The following USH2A variants were observed in gnomAD, a reference collection of about 807,000 sequenced individuals.
The protein encoded by USH2A is Usher syndrome 2A (autosomal recessive, mild).
USH2A carries 443 observed loss-of-function variants against 538.9 expected under a neutral mutation model. The ratio of observed to expected loss-of-function variants is 0.82; its 90% CI spans 0.76 to 0.89. The LOEUF is 0.89. USH2A is among the 40% of genes least tolerant of loss of function. USH2A has a pLI of 0.00. For missense variants in USH2A, 6,633 were observed against 6,324.8 expected (o/e 1.05, Z -1.65); for synonymous variants, 2,413 against 2,273.5 (o/e 1.06, Z -1.75).
intron 46 of USH2A, among the ~76,000 whole-genome samples, chr1:215,839,491 T>G: frequency 6.6e-6 from 1 of 152,338 alleles, no homozygotes; most frequent in South Asian, 2.1e-4. Flanking sequence ...CCCTACTGGC[T>G]TCTCATCTAA....
chr1:215,656,864 G>A (rs1393985669), intron 64 of USH2A, among the ~76,000 whole-genome samples: 1 of 152,154 alleles, frequency 6.6e-6, no homozygotes, highest in Admixed American at 6.5e-5. Context: ...ACATAATTTT[G>A]TAACAATTCA....
intron 4 of USH2A, among the ~76,000 whole-genome samples, chr1:216,353,519 T>C (rs2038326233): frequency 6.6e-6 from 1 of 152,014 alleles, no homozygotes; most frequent in Non-Finnish European, 1.5e-5. Context: ...CCACAAAAGC[T>C]GAAAATCCCC....
intron 47 of USH2A, among the ~76,000 whole-genome samples, chr1:215,818,537 A>T (rs547708012): frequency 1.2e-3 from 175 of 151,974 alleles, no homozygotes; most frequent in Non-Finnish European, 1.8e-3. Flanking sequence ...ATTTTAAAAA[A>T]TTGAGTGATA....
At chr1:216,095,242 G>GT (rs1396037150) in intron 22 of USH2A, among the ~76,000 whole-genome samples, 4 of 152,026 alleles carry the variant, frequency 2.6e-5, no homozygotes, top group Non-Finnish European at 5.9e-5. Context: ...CTTAGTGACA[G>GT]TAGTAGTATC....
intron 38 of USH2A, among the ~76,000 whole-genome samples, chr1:215,909,119 C>T (rs1665711136): frequency 2.0e-5 from 3 of 151,342 alleles, no homozygotes; most frequent in Non-Finnish European, 4.4e-5. Flanking sequence ...AACTCAGCAG[C>T]TATTTAAAAG....
At chr1:215,862,099 A>G (rs922700440) in intron 44 of USH2A, among the ~76,000 whole-genome samples, 3 of 152,234 alleles carry the variant, frequency 2.0e-5, no homozygotes, top group Non-Finnish European at 4.4e-5. Flanking sequence ...CGGCCTCCCA[A>G]AGTGCTGGGA....
intron 12 of USH2A, among the ~76,000 whole-genome samples, chr1:216,248,230 T>C (rs2036090585): frequency 6.6e-6 from 1 of 152,038 alleles, no homozygotes; most frequent in Non-Finnish European, 1.5e-5. Context: ...ATTTTACGAA[T>C]GAAGAAAAAT....
chr1:216,216,302 G>T (rs1285006459), intron 15 of USH2A, among the ~76,000 whole-genome samples: 1 of 152,006 alleles, frequency 6.6e-6, no homozygotes, highest in East Asian at 1.9e-4. Context: ...ATGAAATGCG[G>T]GATGCTGAAG....
At chr1:215,863,705 TC>T (rs1664390387) in intron 44 of USH2A, among the ~76,000 whole-genome samples, 2 of 151,928 alleles carry the variant, frequency 1.3e-5, no homozygotes, top group African/African-American at 4.8e-5. Flanking sequence ...CCAGGCATGG[TC>T]CCTTATGGCT....
intron 46 of USH2A, among the ~76,000 whole-genome samples, chr1:215,839,412 T>A (rs965705462): frequency 6.6e-6 from 1 of 152,174 alleles, no homozygotes; most frequent in Non-Finnish European, 1.5e-5. Context: ...TTTAAACAAA[T>A]TTGCAGAGAA....
intron 6 of USH2A, among the ~76,000 whole-genome samples, chr1:216,324,713 A>G (rs2037695105): frequency 6.6e-6 from 1 of 152,194 alleles, no homozygotes; most frequent in East Asian, 1.9e-4. Flanking sequence ...AACATTTCAT[A>G]AATATCATTT....
chr1:215,802,706 A>G (rs550345033), intron 49 of USH2A, among the ~76,000 whole-genome samples: 136 of 152,266 alleles, frequency 8.9e-4, no homozygotes, highest in African/African-American at 3.0e-3. Flanking sequence ...AGTTCTTAAC[A>G]TGAAAATTAA....
At chr1:216,364,815 C>T (rs1039937186) in intron 4 of USH2A, 138 bp downstream of exon 4, 29 of 1,146,870 alleles carry the variant, frequency 2.5e-5, no homozygotes, top group Non-Finnish European at 2.6e-5. Flanking sequence ...ATTAATCTGC[C>T]ATCCAGTTGG....
chr1:216,173,110 T>C (rs552598217), intron 21 of USH2A, among the ~76,000 whole-genome samples: 1 of 152,260 alleles, frequency 6.6e-6, no homozygotes, highest in East Asian at 1.9e-4. Flanking sequence ...AAGAATAATG[T>C]AAGATGCTAA....
intron 71 of USH2A, among the ~76,000 whole-genome samples, chr1:215,627,417 C>CTTCCTTCCTTCCTTCT (rs1656075200): frequency 8.8e-6 from 1 of 113,836 alleles, no homozygotes; most frequent in African/African-American, 3.4e-5. Flanking sequence ...TCCTTCCTTC[C>CTTCCTTCCTTCCTTCT]TTCCTTCCTT....
chr1:216,171,368 C>T (rs2034272934), intron 21 of USH2A, among the ~76,000 whole-genome samples: 1 of 151,802 alleles, frequency 6.6e-6, no homozygotes, highest in African/African-American at 2.4e-5. Context: ...TGCCCAAGTC[C>T]TCACCACTAA....
At chr1:216,214,636 G>T (rs2035308651) in intron 15 of USH2A, among the ~76,000 whole-genome samples, 1 of 151,932 alleles carries the variant, frequency 6.6e-6, no homozygotes, top group Non-Finnish European at 1.5e-5. Context: ...GATTGCACAA[G>T]TCTAAATTTA....
chr1:216,276,704 C>G (rs900478997), intron 11 of USH2A, among the ~76,000 whole-genome samples: 1 of 152,072 alleles, frequency 6.6e-6, no homozygotes, highest in Non-Finnish European at 1.5e-5. Flanking sequence ...TGGCAGAAGG[C>G]AAGGAGGAGC....
intron 50 of USH2A, among the ~76,000 whole-genome samples, chr1:215,795,446 C>T (rs557972868): frequency 1.4e-4 from 21 of 152,224 alleles, no homozygotes; most frequent in East Asian, 1.9e-4. Context: ...AGGATAAAAA[C>T]GGAATCTTGG....
Sources: gnomAD v4.1 joint callset for allele counts (sites outside exome capture counted in the v4.1 genomes callset) on GRCh38, gnomAD v4.1.1 for gene constraint, MANE v1.5 for transcripts, NCBI Gene and HGNC (gene_info 2026-07-23, HGNC 2026-07-21) for gene names.